Variants in PDIA5 observed in about 807,000 individuals in gnomAD.
PDIA5 encodes the protein protein disulfide-isomerase A5.
Under a neutral mutation model 77.6 loss-of-function variants are expected in PDIA5, and 58 were observed. The observed-to-expected ratio is 0.75, with a 90% CI of 0.61 to 0.93. PDIA5 has a LOEUF of 0.93. PDIA5 is among the 40% of genes least tolerant of loss of function. The probability of loss-of-function intolerance (pLI) is 0.00; values close to 1 mark genes in which losing one functional copy is unlikely to be tolerated. For synonymous variants in PDIA5, 250 were observed against 252.1 expected (o/e 0.99, Z 0.08); for missense variants, 630 against 647.7 (o/e 0.97, Z 0.30).
intron 16 of PDIA5, 48 bp downstream of exon 16, chr3:123,161,503 G>T: frequency 6.3e-7 from 1 of 1,588,876 alleles, no homozygotes; most frequent in Non-Finnish European, 8.6e-7. Flanking sequence ...CTGCTGATGG[G>T]CAGGGAAACT....
Sources: allele counts gnomAD v4.1 joint callset, GRCh38; gene constraint gnomAD v4.1.1; transcripts MANE v1.5; gene names NCBI Gene and HGNC (gene_info 2026-07-23, HGNC 2026-07-21).